The following GMDS variants were observed in gnomAD, a reference collection of about 807,000 sequenced individuals.
GMDS encodes GDP-mannose 4,6-dehydratase.
GMDS carries 20 observed loss-of-function variants against 49.9 expected under a neutral mutation model. The ratio of observed to expected loss-of-function variants is 0.40; its 90% CI spans 0.28 to 0.58. The LOEUF (loss-of-function observed/expected upper bound fraction) is 0.58. Among genes scored for constraint, GMDS ranks in the 20% least tolerant of loss-of-function variants. The pLI, the probability that GMDS is intolerant of heterozygous loss-of-function variation, is 0.42. For synonymous variants in GMDS, 177 were observed against 178.6 expected, an observed-to-expected ratio of 0.99 and a Z score of 0.07; for missense variants, 362 against 481.4, an observed-to-expected ratio of 0.75 and a Z score of 2.32.
At chr6:2,012,021 C>T (rs939587222) in intron 4 of GMDS, among the ~76,000 whole-genome samples, 2 of 152,086 alleles carry the variant, frequency 1.3e-5, no homozygotes, top group African/African-American at 4.8e-5. Flanking sequence ...AACAGAAAGT[C>T]AAATACTGTA....
intron 7 of GMDS, among the ~76,000 whole-genome samples, chr6:1,863,652 C>T (rs1758304133): frequency 6.6e-6 from 1 of 152,106 alleles, no homozygotes; most frequent in African/African-American, 2.4e-5. Context: ...AATGAAAATT[C>T]TTCTTTAAAT....
At chr6:1,678,556 A>T (rs1030256466) in intron 9 of GMDS, among the ~76,000 whole-genome samples, 8 of 152,080 alleles carry the variant, frequency 5.3e-5, no homozygotes, top group African/African-American at 1.9e-4. Flanking sequence ...GGCTGGAATC[A>T]GAAGTGAGTT....
chr6:2,195,617 G>A (rs1351349795), intron 1 of GMDS, among the ~76,000 whole-genome samples: 2 of 152,094 alleles, frequency 1.3e-5, no homozygotes, highest in East Asian at 1.9e-4. Flanking sequence ...AAAATTACAT[G>A]TTGATTTCTT....
chr6:2,236,600 T>C (rs1216453749), intron 1 of GMDS, among the ~76,000 whole-genome samples: 1 of 152,216 alleles, frequency 6.6e-6, no homozygotes, highest in Non-Finnish European at 1.5e-5. Context: ...CTGCATATAC[T>C]TGCAAAATTC....
At chr6:1,853,902 A>C (rs1352863763) in intron 7 of GMDS, among the ~76,000 whole-genome samples, 3 of 152,136 alleles carry the variant, frequency 2.0e-5, no homozygotes, top group African/African-American at 7.2e-5. Flanking sequence ...CCCCCTTCTG[A>C]TATCAGTGCC....
At chr6:1,918,805 T>C (rs1250860315) in intron 7 of GMDS, among the ~76,000 whole-genome samples, 2 of 152,136 alleles carry the variant, frequency 1.3e-5, no homozygotes, top group Non-Finnish European at 2.9e-5. Context: ...CTAATAATAG[T>C]AGAATCTAGA....
At chr6:1,899,685 A>G (rs1220559006) in intron 7 of GMDS, among the ~76,000 whole-genome samples, 3 of 152,234 alleles carry the variant, frequency 2.0e-5, no homozygotes, top group African/African-American at 4.8e-5. Context: ...CTTAGCTCAC[A>G]CTGTTTTGTA....
At chr6:1,979,046 C>G (rs1473085626) in intron 4 of GMDS, among the ~76,000 whole-genome samples, 1 of 152,126 alleles carries the variant, frequency 6.6e-6, no homozygotes, top group African/African-American at 2.4e-5. Context: ...AGAACTCCAT[C>G]CAAAGGTCAG....
At chr6:1,817,728 T>G (rs896738997) in intron 7 of GMDS, among the ~76,000 whole-genome samples, 24 of 152,184 alleles carry the variant, frequency 1.6e-4, no homozygotes, top group Non-Finnish European at 3.1e-4. Context: ...GGAGCACCCC[T>G]TGGTTTGTGG....
intron 4 of GMDS, among the ~76,000 whole-genome samples, chr6:2,071,140 T>C (rs1165005357): frequency 1.3e-5 from 2 of 152,184 alleles, no homozygotes; most frequent in Non-Finnish European, 2.9e-5. Context: ...CCACCAAGCA[T>C]TCCCTACTGA....
chr6:1,867,253 C>T (rs1758483881), intron 7 of GMDS, among the ~76,000 whole-genome samples: 1 of 152,126 alleles, frequency 6.6e-6, no homozygotes, highest in South Asian at 2.1e-4. Context: ...ATAGGGTCAA[C>T]TAAGGATTAC....
intron 4 of GMDS, among the ~76,000 whole-genome samples, chr6:2,047,945 A>G (rs1220615042): frequency 6.6e-6 from 1 of 152,234 alleles, no homozygotes; most frequent in African/African-American, 2.4e-5. Flanking sequence ...TGGATTCCAG[A>G]TACTTTTAGA....
chr6:1,973,967 G>A (rs1764757980), intron 4 of GMDS, among the ~76,000 whole-genome samples: 2 of 152,242 alleles, frequency 1.3e-5, no homozygotes, highest in Middle Eastern at 6.8e-3. Flanking sequence ...CTCAGTGTTG[G>A]GAGCCTTCAA....
At chr6:2,065,330 C>T (rs546283131) in intron 4 of GMDS, among the ~76,000 whole-genome samples, 1 of 152,274 alleles carries the variant, frequency 6.6e-6, no homozygotes, top group South Asian at 2.1e-4. Context: ...GGAAAAAACA[C>T]AGCAGAAAAA....
At chr6:1,703,367 T>TAAGA (rs1430608949) in intron 9 of GMDS, among the ~76,000 whole-genome samples, 4 of 152,118 alleles carry the variant, frequency 2.6e-5, no homozygotes, top group African/African-American at 9.7e-5. Context: ...TCACCTTTCT[T>TAAGA]ATCTCCAGTT....
intron 2 of GMDS, among the ~76,000 whole-genome samples, chr6:2,119,388 T>A (rs932440508): frequency 6.7e-6 from 1 of 149,570 alleles, no homozygotes; most frequent in Non-Finnish European, 1.5e-5. Flanking sequence ...CACTGGTTGC[T>A]TTTTTTTTAA....
Position 1,705,750 on chromosome 6 carries a change from T to G in GMDS, c.987+20666A>C, listed in dbSNP as rs1431681405. Among the ~76,000 whole-genome samples the G allele has an allele frequency of 3.3e-5, 5 of 152,258 alleles. No homozygotes were observed. In the South Asian group the frequency reaches 1.0e-3, roughly 32 times the overall value. ...TCACTCCTGGGAAGCTGGAGGACTTTCCAGAGGAAGTTCCAGTAAACCTGA... is the reference window on the plus strand; with the variant it reads ...TCACTCCTGGGAAGCTGGAGGACTTGCCAGAGGAAGTTCCAGTAAACCTGA... On this transcript the variant is annotated intron_variant, in intron 9 of 10. Transcript: ENST00000380815.
At chr6:1,655,861 A>G (rs1763863301) in intron 9 of GMDS, among the ~76,000 whole-genome samples, 1 of 152,240 alleles carries the variant, frequency 6.6e-6, no homozygotes, top group South Asian at 2.1e-4. Context: ...GCCTGCGGAT[A>G]CATTCCCAGA....
At chr6:1,981,073 C>T (rs533562435) in intron 4 of GMDS, among the ~76,000 whole-genome samples, 2 of 152,100 alleles carry the variant, frequency 1.3e-5, no homozygotes, top group Admixed American at 6.5e-5. Flanking sequence ...GCACTAAATG[C>T]CCACATCAAA....
Sources: gnomAD v4.1 joint callset for allele counts (sites outside exome capture counted in the v4.1 genomes callset) on GRCh38, gnomAD v4.1.1 for gene constraint, MANE v1.5 for transcripts, NCBI Gene and HGNC (gene_info 2026-07-23, HGNC 2026-07-21) for gene names.